Variants in CAMK2D observed in about 807,000 individuals in gnomAD.
CAMK2D encodes calcium/calmodulin dependent protein kinase II delta, also known as calcium/calmodulin-dependent protein kinase type II subunit delta.
Under a neutral mutation model 84.0 loss-of-function variants are expected in CAMK2D, and 37 were observed. The ratio of observed to expected loss-of-function variants is 0.44; its 90% CI spans 0.34 to 0.58. CAMK2D has a LOEUF of 0.58. Ranked by LOEUF, CAMK2D falls within the 20% of genes least tolerant of loss-of-function variation. CAMK2D has a pLI of 0.02. For synonymous variants in CAMK2D, 202 were observed against 212.5 expected (o/e 0.95, Z 0.43); for missense variants, 448 against 652.5 (o/e 0.69, Z 3.41).
chr4:113,590,699 G>A (rs1399432787), intron 4 of CAMK2D, among the ~76,000 whole-genome samples: 1 of 151,912 alleles, frequency 6.6e-6, no homozygotes. Flanking sequence ...AACTTCAAAA[G>A]CATTTATGAA....
chr4:113,573,757 G>C (rs182907315), intron 4 of CAMK2D, among the ~76,000 whole-genome samples: 15 of 152,194 alleles, frequency 9.9e-5, no homozygotes, highest in Admixed American at 6.5e-4. Context: ...AAGAAAGAAG[G>C]CTTCCTCCTT....
intron 18 of CAMK2D, among the ~76,000 whole-genome samples, chr4:113,459,745 G>A (rs1473038200): frequency 6.7e-6 from 1 of 149,762 alleles, no homozygotes; most frequent in Non-Finnish European, 1.5e-5. Context: ...TCATACCTCA[G>A]CCTCCCAAGT....
chr4:113,590,060 C>G (rs1390823146), intron 4 of CAMK2D, among the ~76,000 whole-genome samples: 1 of 152,084 alleles, frequency 6.6e-6, no homozygotes, highest in Non-Finnish European at 1.5e-5. Flanking sequence ...AAGAGAGGCA[C>G]AAAATCCTAC....
chr4:113,711,875 C>T (rs1239115589), intron 2 of CAMK2D, among the ~76,000 whole-genome samples: 2 of 152,156 alleles, frequency 1.3e-5, no homozygotes, highest in South Asian at 2.1e-4. Context: ...TTTAAAATAA[C>T]GTTACCATTT....
intron 3 of CAMK2D, among the ~76,000 whole-genome samples, chr4:113,654,257 T>A (rs1478715979): frequency 6.6e-6 from 1 of 151,928 alleles, no homozygotes. Context: ...GAAAAGAAAA[T>A]TATATAGATC....
chr4:113,730,745 C>A (rs557487973), intron 2 of CAMK2D, among the ~76,000 whole-genome samples: 1 of 152,344 alleles, frequency 6.6e-6, no homozygotes, highest in East Asian at 1.9e-4. Flanking sequence ...ACTTCCCTCA[C>A]AGCAACTTTC....
intron 13 of CAMK2D, chr4:113,508,163 C>T: frequency 9.3e-7 from 1 of 1,078,426 alleles, no homozygotes; most frequent in Non-Finnish European, 1.4e-6. Context: ...CTTACACTAT[C>T]TTAGGTAAAT....
At chr4:113,547,410 T>G (rs905211503) in intron 6 of CAMK2D, among the ~76,000 whole-genome samples, 1 of 152,228 alleles carries the variant, frequency 6.6e-6, no homozygotes, top group Admixed American at 6.5e-5. Flanking sequence ...AGCATCCTAT[T>G]TATTGTTAAT....
intron 3 of CAMK2D, among the ~76,000 whole-genome samples, chr4:113,638,530 A>G (rs2154292397): frequency 6.6e-6 from 1 of 152,290 alleles, no homozygotes; most frequent in Middle Eastern, 3.4e-3. Flanking sequence ...CCAGGTACAT[A>G]TTTAAGAGAA....
At chr4:113,580,898 A>G (rs2098805100) in intron 4 of CAMK2D, among the ~76,000 whole-genome samples, 1 of 134,898 alleles carries the variant, frequency 7.4e-6, no homozygotes, top group Non-Finnish European at 1.6e-5. Context: ...TATATCAGTC[A>G]TCAGAAATGG....
intron 3 of CAMK2D, among the ~76,000 whole-genome samples, chr4:113,631,885 C>CT (rs78567828): frequency 0.071 from 10,742 of 152,106 alleles, 573 homozygotes; most frequent in East Asian, 0.19. Context: ...ATAATGTGTC[C>CT]TTATAGAGTT....
At chr4:113,463,334 T>C (rs2154109257) in intron 17 of CAMK2D, among the ~76,000 whole-genome samples, 1 of 152,320 alleles carries the variant, frequency 6.6e-6, no homozygotes, top group Admixed American at 6.5e-5. Context: ...TTTTAAAATC[T>C]AATTTGGCAT....
intron 2 of CAMK2D, among the ~76,000 whole-genome samples, chr4:113,701,084 G>A (rs2099416122): frequency 1.3e-5 from 2 of 152,046 alleles, no homozygotes; most frequent in Admixed American, 6.5e-5. Flanking sequence ...AACAGTTTCT[G>A]TTCCCTATAA....
intron 3 of CAMK2D, among the ~76,000 whole-genome samples, chr4:113,632,551 T>C (rs972119563): frequency 3.3e-5 from 5 of 151,712 alleles, no homozygotes; most frequent in African/African-American, 1.2e-4. Flanking sequence ...GATTGTGCTA[T>C]TGCACTCCAG....
At chr4:113,684,582 C>T (rs1331206027) in intron 2 of CAMK2D, among the ~76,000 whole-genome samples, 3 of 152,066 alleles carry the variant, frequency 2.0e-5, no homozygotes, top group East Asian at 1.9e-4. Flanking sequence ...TGCAGCTGCT[C>T]GGTAACAGCG....
chr4:113,670,182 T>G (rs992638375), intron 2 of CAMK2D, among the ~76,000 whole-genome samples: 1 of 152,104 alleles, frequency 6.6e-6, no homozygotes, highest in African/African-American at 2.4e-5. Flanking sequence ...CTCTGGAGGC[T>G]GAGGCAGGAG....
At chr4:113,754,389 A>G in intron 2 of CAMK2D, 1 of 977,520 alleles carries the variant, frequency 1.0e-6, no homozygotes, top group Non-Finnish European at 1.2e-6. Context: ...TAGATGCCCA[A>G]GAAAAGCCCA....
chr4:113,689,242 C>T (rs547711496), intron 2 of CAMK2D, among the ~76,000 whole-genome samples: 2 of 149,942 alleles, frequency 1.3e-5, no homozygotes, highest in Non-Finnish European at 3.0e-5. Flanking sequence ...GAGACTCCAT[C>T]TCAAAAAAAA....
intron 4 of CAMK2D, among the ~76,000 whole-genome samples, chr4:113,583,163 T>A (rs2098818520): frequency 6.6e-6 from 1 of 151,850 alleles, no homozygotes; most frequent in East Asian, 1.9e-4. Context: ...TGCTGAGATG[T>A]ACCACTGGTT....
Sources: allele counts gnomAD v4.1 joint callset (sites outside exome capture counted in the v4.1 genomes callset), GRCh38; gene constraint gnomAD v4.1.1; transcripts MANE v1.5; gene names NCBI Gene and HGNC (gene_info 2026-07-23, HGNC 2026-07-21).